Variants in ITGB4 observed in about 807,000 individuals in gnomAD.
ITGB4 encodes integrin subunit beta 4.
ITGB4 carries 159 observed loss-of-function variants against 207.6 expected under a neutral mutation model. That is an observed-to-expected ratio of 0.77 (90% CI 0.67 to 0.87). ITGB4 has a LOEUF of 0.87. Among genes scored for constraint, ITGB4 ranks in the 40% least tolerant of loss-of-function variants. The probability of loss-of-function intolerance (pLI) is 0.00; values close to 1 mark genes in which losing one functional copy is unlikely to be tolerated. For synonymous variants in ITGB4, 1,020 were observed against 1,062.7 expected (o/e 0.96, Z 0.78); for missense variants, 2,278 against 2,546.8 (o/e 0.89, Z 2.27).
Position 75,753,886 on chromosome 17 carries a change from C to G in ITGB4, c.4230C>G (p.Ala1410=), listed in dbSNP as rs1376446657. The G allele has an allele frequency of 1.5e-6, 2 of 1,316,430 alleles. No individual in the cohort carries two copies. The highest frequency in any genetic ancestry group is 2.3e-5 in the South Asian group (1 of 43,680). The allele number at this position is 1,316,430 out of a possible 1,614,324, so 81.5% of individuals were successfully genotyped here. ...CCAGCAGCGGGCGCTCCTCCGACGC[C>G]GAGGCGCCCCACGGGCCCCCGGACG... ...LSASSGRSSD[A]EAPHGPPDDG... The change falls in exon 33 of 40, where the codon GCC becomes GCG. Residue 1410 remains alanine (A), a synonymous_variant. Transcript: ENST00000200181.
rs945883779 is a variant in ITGB4, at chr17:75,742,121, G to A, written c.2634-220G>A. Among the ~76,000 whole-genome samples, 1 of 152,268 alleles carries A rather than the reference G, an allele frequency of 6.6e-6. No individual in the cohort carries two copies. The highest frequency in any genetic ancestry group is 2.4e-5 in the African/African-American group (1 of 41,474). ...TGGGCAGAGAAGCCCATTTCACAGA[G>A]GAGGACGCTGAGGACAGGGAGGCGC... On this transcript the variant is annotated intron_variant, in intron 23 of 39. Transcript: ENST00000200181. This position sits in a 1 kb window ranked among gnomAD's most constrained non-coding sequence, Gnocchi z 5.9.
chr17:75,735,402 TTTTTC>T (rs1179221558), intron 13 of ITGB4, among the ~76,000 whole-genome samples: 3 of 146,700 alleles, frequency 2.0e-5, no homozygotes, highest in Non-Finnish European at 4.5e-5. Flanking sequence ...TTTTATTTCT[TTTTTC>T]TTTTCTTTTT....
rs1476736666 is a variant in ITGB4 at position 75,722,756 on chromosome 17, C to CATGTGT, written c.-11+1144_-11+1145insATGTGT. On this transcript the variant is annotated intron_variant, in intron 1 of 39. Transcript: ENST00000200181. The surrounding 1 kb of genome is among the most constrained non-coding windows in gnomAD (Gnocchi z 6.2). ...TGAGCCTGTGGGTGGGTGGGCATGG[C>CATGTGT]CTGTGTGTGTGTGTGTGTGTGTGTG... Among the ~76,000 whole-genome samples the CATGTGT allele has an allele frequency of 2.5e-5, 1 of 39,724 alleles. No individual in the cohort carries two copies. Among genetic ancestry groups the CATGTGT allele is most frequent in the Non-Finnish European group, 5.8e-5 (1 of 17,352 alleles). 26.1% of individuals were successfully genotyped at this position (39,724 alleles called of 152,430 possible).
chr17:75,729,157 T>TTA lies in ITGB4; in HGVS notation c.567-108_567-107insTA. 1 of 620,514 alleles carries TTA rather than the reference T, an allele frequency of 1.6e-6. No homozygotes were observed. 38.4% of individuals were successfully genotyped at this position (620,514 alleles called of 1,614,324 possible). ...CTGGGTGATAAAGCGAGACTTGGTC[T>TTA]CAAAAAAAAAAAAAAAAATTCTCCT... On this transcript the variant is annotated intron_variant, in intron 6 of 39. Transcript: ENST00000200181. The surrounding 1 kb of genome is among the most constrained non-coding windows in gnomAD (Gnocchi z 4.4).
rs548492397 is a variant in ITGB4, at chr17:75,743,179, C to T, written c.2962+418C>T. ...CATCTCTGGTCCTGCCCGTGACTGG[C>T]CTCCCTCCTCTGCCTGGCCCTTCCA... On this transcript the variant is annotated intron_variant, in intron 25 of 39. Transcript: ENST00000200181. Among the ~76,000 whole-genome samples, 35 of 152,254 alleles carry T rather than the reference C, an allele frequency of 2.3e-4. No individual in the cohort carries two copies. The South Asian group carries it at 6.6e-3, about 29-fold the overall frequency.
chr17:75,749,446 T>C (rs117139088), intron 27 of ITGB4, among the ~76,000 whole-genome samples: 3,013 of 152,216 alleles, frequency 0.02, 47 homozygotes, highest in Middle Eastern at 0.051. Context: ...GAGGATCACT[T>C]GAGCCCAGGG....
Position 75,739,882 on chromosome 17 carries a change from C to T in ITGB4, c.2257C>T (p.His753Tyr). The T allele has an allele frequency of 6.2e-7, 1 of 1,613,522 alleles. No individual in the cohort carries two copies. The highest frequency in any genetic ancestry group is 8.5e-7 in the Non-Finnish European group (1 of 1,179,970). Reference sequence around the variant, plus strand: ...GTGCTGAGGACCCCATCCTGCAGGTCACATGGTGGGCTTTAAGGAAGACCA... The same window carrying T: ...GTGCTGAGGACCCCATCCTGCAGGTTACATGGTGGGCTTTAAGGAAGACCA... The part of the protein sequence containing the change: ...LALLPCCNRG[H>Y]MVGFKEDHYM... Residue 753 changes from histidine (H) to tyrosine (Y), a missense_variant and splice_region_variant, in exon 20 of 40, where the codon CAC becomes TAC. By Grantham distance (83) the His-to-Tyr change is moderately conservative. Transcript: ENST00000200181. The surrounding 1 kb of genome is among the most constrained non-coding windows in gnomAD (Gnocchi z 5.4).
chr17:75,754,523 G>C (rs1353997419), intron 33 of ITGB4, 53 bp from the exon 34 acceptor site: 2 of 1,610,766 alleles, frequency 1.2e-6, no homozygotes, highest in Non-Finnish European at 1.7e-6. Flanking sequence ...CCTGCCCCAC[G>C]GGGCCCGGGT....
chr17:75,735,198 C>T (rs80286465), intron 13 of ITGB4, among the ~76,000 whole-genome samples: 1 of 151,834 alleles, frequency 6.6e-6, no homozygotes, highest in Non-Finnish European at 1.5e-5. Flanking sequence ...AGCAATTCTC[C>T]TGCCTCAGCC....
chr17:75,728,678 A>G (rs1299293468), intron 6 of ITGB4, among the ~76,000 whole-genome samples: 1 of 151,966 alleles, frequency 6.6e-6, no homozygotes, highest in East Asian at 1.9e-4. Context: ...GCAAAACCCC[A>G]TCTCTACTAA....
chr17:75,740,714 T>C lies in ITGB4; in HGVS notation c.2551-79T>C, dbSNP rs978268251. 6 of 1,501,384 alleles carry C rather than the reference T, an allele frequency of 4.0e-6. No individual in the cohort carries two copies. The African/African-American group carries it at 8.3e-5, about 21-fold the overall frequency. The allele number at this position is 1,501,384 out of a possible 1,614,324, so 93.0% of individuals were successfully genotyped here. A position where few individuals can be genotyped will look rare whatever the true frequency, so the allele number is the denominator to read the frequency against. ...AGGATCTCTGGGTACAGAGGCTGCC[T>C]GGCTCCCTGGGTCCCCAGCCTGAGG... On this transcript the variant is annotated intron_variant, in intron 21 of 39. Transcript: ENST00000200181. This position sits in a 1 kb window ranked among gnomAD's most constrained non-coding sequence, Gnocchi z 5.9.
chr17:75,742,737 A>G lies in ITGB4; in HGVS notation c.2938A>G (p.Asn980Asp). 6.2e-7 allele frequency: 1 copy of G among 1,611,840 alleles called. No individual in the cohort carries two copies. Among genetic ancestry groups the G allele is most frequent in the Non-Finnish European group, 8.5e-7 (1 of 1,179,976 alleles). Reference protein sequence around the residue: ...GTATLGRRLVNITIIKEQARD... With the variant: ...GTATLGRRLVDITIIKEQARD... ...TGCCACCCTCGGCCGCCGCCTGGTA[A>G]ACATCACCATCATCAAGGAGCAAGG... Residue 980 changes from asparagine (N) to aspartate (D), a missense_variant, in exon 25 of 40, where the codon AAC (asparagine) becomes GAC (aspartate). Coordinates refer to ENST00000200181, the MANE Select transcript of ITGB4 (RefSeq NM_000213.5). The surrounding 1 kb of genome is among the most constrained non-coding windows in gnomAD (Gnocchi z 5.9).
chr17:75,727,916 GGGAGGCCA>G lies in ITGB4; in HGVS notation c.469+65_469+72del. 6.6e-7 allele frequency: 1 copy of G among 1,514,942 alleles called. No individual in the cohort carries two copies. The highest frequency in any genetic ancestry group is 9.1e-7 in the Non-Finnish European group (1 of 1,096,470). The allele number at this position is 1,514,942 out of a possible 1,614,324, so 93.8% of individuals were successfully genotyped here. ...GAGGGGGACAGGTGGGCGTCTGCTT[GGGAGGCCA>G]GGACTCAGGACAGCTGCACCCACCC... On this transcript the variant is annotated intron_variant, in intron 5 of 39. Coordinates refer to ENST00000200181, the MANE Select transcript of ITGB4 (RefSeq NM_000213.5). This position sits in a 1 kb window ranked among gnomAD's most constrained non-coding sequence, Gnocchi z 6.0.
intron 2 of ITGB4, among the ~76,000 whole-genome samples, chr17:75,725,593 T>A (rs2060702681): frequency 6.6e-6 from 1 of 152,128 alleles, no homozygotes; most frequent in African/African-American, 2.4e-5. Context: ...GGATTACAGG[T>A]GTGAGCCATC....
At chr17:75,734,078 C>G (rs1435478078) in intron 13 of ITGB4, among the ~76,000 whole-genome samples, 1 of 151,064 alleles carries the variant, frequency 6.6e-6, no homozygotes, top group Non-Finnish European at 1.5e-5. Flanking sequence ...GATCTTTCCT[C>G]TCTCCAAAGA....
chr17:75,746,711 G>A (rs1249364477), intron 26 of ITGB4, among the ~76,000 whole-genome samples: 1 of 151,252 alleles, frequency 6.6e-6, no homozygotes, highest in African/African-American at 2.4e-5. Context: ...AGGCCAGGGC[G>A]GGCAGATCGC....
rs199911115 is a variant in ITGB4 at position 75,727,315 on chromosome 17, G to A, written c.162+38G>A. On this transcript the variant is annotated intron_variant, in intron 3 of 39. Transcript: ENST00000200181. This position sits in a 1 kb window ranked among gnomAD's most constrained non-coding sequence, Gnocchi z 6.0. Reference sequence around the variant, plus strand: ...CCCGGGTTGGTGTGGAACAGGCAAGGGTCGGGAATAGCTGGTGGAAATGAA... The same window carrying A: ...CCCGGGTTGGTGTGGAACAGGCAAGAGTCGGGAATAGCTGGTGGAAATGAA... 1 of 1,612,920 alleles carries A rather than the reference G, an allele frequency of 6.2e-7. No individual in the cohort carries two copies. The highest frequency in any genetic ancestry group is 2.2e-5 in the East Asian group (1 of 44,826).
intron 15 of ITGB4, 41 bp downstream of exon 15, chr17:75,736,427 C>T (rs1456748632): frequency 6.2e-7 from 1 of 1,609,884 alleles, no homozygotes; most frequent in East Asian, 2.2e-5. Flanking sequence ...GGGAACAGGG[C>T]AGGCACAGGG....
At position 75,742,838 on chromosome 17, in the gene ITGB4, C is replaced by A; in HGVS notation, c.2962+77C>A. The A allele has an allele frequency of 1.4e-6, 2 of 1,402,670 alleles. No homozygotes were observed. Among genetic ancestry groups the A allele is most frequent in the Non-Finnish European group, 1.9e-6 (2 of 1,027,516 alleles). 86.9% of individuals were successfully genotyped at this position (1,402,670 alleles called of 1,614,324 possible). ...GGTTCCTCCTGCTTAAGTGGAATTG[C>A]GACCTGGCCACGTGGCCTGGGCTAG... On this transcript the variant is annotated intron_variant, in intron 25 of 39. Transcript: ENST00000200181. This position sits in a 1 kb window ranked among gnomAD's most constrained non-coding sequence, Gnocchi z 5.9.
Sources: allele counts gnomAD v4.1 joint callset (sites outside exome capture counted in the v4.1 genomes callset), GRCh38; gene constraint gnomAD v4.1.1; non-coding constraint Gnocchi (gnomAD v3.1); transcripts MANE v1.5; gene names NCBI Gene and HGNC (gene_info 2026-07-23, HGNC 2026-07-21).